Variants in LYST observed in about 807,000 individuals in gnomAD.
LYST encodes lysosomal-trafficking regulator.
A neutral mutation model predicts 413.6 loss-of-function variants in LYST; 192 were observed. The observed-to-expected ratio is 0.46, with a 90% CI of 0.41 to 0.52. The LOEUF is 0.52. Ranked by LOEUF, LYST falls within the 20% of genes least tolerant of loss-of-function variation. The pLI is 0.00. For missense variants in LYST, 3,815 were observed against 4,499.9 expected, an observed-to-expected ratio of 0.85 and a Z score of 4.35; for synonymous variants, 1,525 against 1,567.3, an observed-to-expected ratio of 0.97 and a Z score of 0.64.
intron 29 of LYST, among the ~76,000 whole-genome samples, chr1:235,744,915 AG>A (rs1665768885): frequency 6.6e-6 from 1 of 150,574 alleles, no homozygotes; most frequent in African/African-American, 2.5e-5. Context: ...AAAAAAAAAA[AG>A]AGAGAAAGAA....
intron 6 of LYST, 77 bp downstream of exon 6, chr1:235,805,665 AT>A (rs1672751465): frequency 1.5e-6 from 1 of 684,682 alleles, no homozygotes; most frequent in Non-Finnish European, 2.3e-6. Flanking sequence ...TACATATTAC[AT>A]TTTTTATATA....
At chr1:235,842,502 T>A (rs180910802) in intron 1 of LYST, among the ~76,000 whole-genome samples, 1 of 152,218 alleles carries the variant, frequency 6.6e-6, no homozygotes, top group African/African-American at 2.4e-5. Flanking sequence ...GAAAGCCCTA[T>A]AATGACAGAG....
chr1:235,859,618 C>T (rs1204855481), intron 1 of LYST, among the ~76,000 whole-genome samples: 1 of 152,040 alleles, frequency 6.6e-6, no homozygotes, highest in African/African-American at 2.4e-5. Flanking sequence ...ATCCACTCCT[C>T]CACCCGTATT....
intron 50 of LYST, among the ~76,000 whole-genome samples, chr1:235,673,254 C>G (rs1348211441): frequency 6.6e-6 from 1 of 151,994 alleles, no homozygotes; most frequent in Admixed American, 6.6e-5. Context: ...TTAACCACCC[C>G]CTCCATTTTA....
chr1:235,748,785 G>A (rs1078858), intron 28 of LYST, among the ~76,000 whole-genome samples: 3,607 of 152,230 alleles, frequency 0.024, 72 homozygotes, highest in Non-Finnish European at 0.031. Flanking sequence ...ATGTAATGAC[G>A]GTACTGCTGA....
chr1:235,754,851 A>ATGGCT (rs1467279833), intron 25 of LYST, among the ~76,000 whole-genome samples: 1 of 151,864 alleles, frequency 6.6e-6, no homozygotes, highest in East Asian at 1.9e-4. Flanking sequence ...AGGCAGGAGG[A>ATGGCT]TGGCTTGAGG....
At chr1:235,726,796 A>G (rs2208384) in intron 38 of LYST, among the ~76,000 whole-genome samples, 123,136 of 152,162 alleles carry the variant, frequency 0.81, 50,041 homozygotes, top group African/African-American at 0.9. Context: ...TATTCGACAG[A>G]TGGACTCAGA....
At position 235,744,127 on chromosome 1, in the gene LYST, C is replaced by T. The variant is rs1416779664; in HGVS notation, c.8003G>A (p.Arg2668Lys). 1.9e-6 allele frequency: 3 copies of T among 1,596,336 alleles called. No individual in the cohort carries two copies. The highest frequency in any genetic ancestry group is 2.6e-6 in the Non-Finnish European group (3 of 1,164,640). The change falls in exon 30 of 53, where the codon AGA (arginine) becomes AAA (lysine). Residue 2668 changes from arginine (R) to lysine (K), a missense_variant. Physicochemically the swap from Arg to Lys is conservative, Grantham distance 26. Around this residue, in one of 4 missense-constraint regions of LYST, gnomAD observed 771 missense variants for 837.1 expected, o/e 0.92. Transcript: ENST00000389793. ...GCTTTGAGTTACATTTTCTGGAGTT[C>T]TCAAAATGTCAATAATGTCTGAATT... ...EFNSDIIDILRTPENVTQSKT... is the reference protein window; with the variant it reads ...EFNSDIIDILKTPENVTQSKT...
Position 235,794,931 on chromosome 1 carries a change from T to G in LYST, c.4007-1319A>C, listed in dbSNP as rs571243700. Among the ~76,000 whole-genome samples, 4 of 152,256 alleles carry G rather than the reference T, an allele frequency of 2.6e-5. No homozygotes were observed. In the East Asian group the frequency reaches 7.7e-4, roughly 29 times the overall value. Reference sequence around the variant, plus strand: ...GCTTCTGTGTACTACTGAAAACTCATAGCATTAAAGTACAGAATTATAAGA... The same window carrying G: ...GCTTCTGTGTACTACTGAAAACTCAGAGCATTAAAGTACAGAATTATAAGA... On this transcript the variant is annotated intron_variant, in intron 10 of 52. Coordinates refer to ENST00000389793, the MANE Select transcript of LYST (RefSeq NM_000081.4).
chr1:235,731,059 G>T lies in LYST; in HGVS notation c.8920C>A (p.Leu2974Ile). The change falls in exon 35 of 53, where the codon CTC becomes ATC. Residue 2974 changes from leucine to isoleucine, a missense_variant. Physicochemically the swap from Leu to Ile is conservative, Grantham distance 5. Transcript: ENST00000389793. ...TCTGATTTCTGTCTATCCCTAAGGA[G>T]ATACTTATTTGGAATAGTTAAATAA... Reference protein sequence around the residue: ...RCYLTIPNKYLLRDRQKSEDV... With the variant: ...RCYLTIPNKYILRDRQKSEDV... The T allele has an allele frequency of 6.2e-7, 1 of 1,613,676 alleles. No individual in the cohort carries two copies. The highest frequency in any genetic ancestry group is 8.5e-7 in the Non-Finnish European group (1 of 1,179,620).
In LYST at chr1:235,809,402, T is replaced by C; in HGVS notation, c.1416A>G (p.Leu472=). Residue 472 remains leucine, a synonymous_variant, in exon 5 of 53, where the codon CTA becomes CTG. Coordinates refer to ENST00000389793, the MANE Select transcript of LYST (RefSeq NM_000081.4). The surrounding 1 kb of genome is among the most constrained non-coding windows in gnomAD (Gnocchi z 4.0). ...TCATTATTTTCATCACACTATTTAT[T>C]AGGGCTTTCAAATGCTCTGAGGCCT... ...PPEASEHLKA[L]INSVMKIMST... is the part of the protein sequence containing the mutation. 1 of 1,614,058 alleles carries C rather than the reference T, an allele frequency of 6.2e-7. No homozygotes were observed. The highest frequency in any genetic ancestry group is 8.5e-7 in the Non-Finnish European group (1 of 1,179,998).
chr1:235,779,935 C>T (rs1669675613), intron 16 of LYST, among the ~76,000 whole-genome samples: 1 of 152,106 alleles, frequency 6.6e-6, no homozygotes, highest in African/African-American at 2.4e-5. Context: ...TTTTCTAAGA[C>T]TATTTATGAA....
chr1:235,870,462 A>G (rs1680878141), upstream of LYST, among the ~76,000 whole-genome samples: 1 of 152,194 alleles, frequency 6.6e-6, no homozygotes, highest in Admixed American at 6.5e-5. Context: ...TTTGCTGTCC[A>G]TAAATCTCCC....
chr1:235,663,867 G>A (rs546110311), intron 52 of LYST, 117 bp downstream of exon 52: 2 of 888,732 alleles, frequency 2.3e-6, no homozygotes, highest in Non-Finnish European at 1.9e-6. Flanking sequence ...TAAGTGGTTG[G>A]CTTTTCATGA....
chr1:235,697,367 A>C, intron 45 of LYST, 95 bp from the exon 46 acceptor site: 1 of 884,086 alleles, frequency 1.1e-6, no homozygotes, highest in Non-Finnish European at 1.8e-6. Context: ...AGAGAAAGTA[A>C]TATGGATTAT....
At chr1:235,738,622 G>A (rs764297168) in intron 31 of LYST, 8 of 1,608,304 alleles carry the variant, frequency 5.0e-6, no homozygotes, top group African/African-American at 1.3e-5. Flanking sequence ...AATGTTACTG[G>A]TGTCTCCCTC....
intron 14 of LYST, among the ~76,000 whole-genome samples, chr1:235,785,127 T>G (rs1280713073): frequency 6.6e-6 from 1 of 152,146 alleles, no homozygotes; most frequent in South Asian, 2.1e-4. Flanking sequence ...TGCCCTGTCT[T>G]CCACCTCAAA....
Position 235,759,603 on chromosome 1 carries a change from G to T in LYST, c.6254-4C>A, listed in dbSNP as rs1272539662. 1.9e-6 allele frequency: 3 copies of T among 1,609,850 alleles called. No homozygotes were observed. Among genetic ancestry groups the T allele is most frequent in the Admixed American group, 3.3e-5 (2 of 59,970 alleles). ...ATAATATTAGAGGAATTCTCTCCTG[G>T]TAAGAGTAGATACAAAAATACTACT... On this transcript the variant is annotated splice_polypyrimidine_tract_variant and splice_region_variant and intron_variant, in intron 22 of 52. Coordinates refer to ENST00000389793, the MANE Select transcript of LYST (RefSeq NM_000081.4).
chr1:235,755,423 G>C lies in LYST; in HGVS notation c.7229+55C>G, dbSNP rs190370406. 24 of 1,417,820 alleles carry C rather than the reference G, an allele frequency of 1.7e-5. No individual in the cohort carries two copies. In the African/African-American group the frequency reaches 3.3e-4, roughly 20 times the overall value. The allele number at this position is 1,417,820 out of a possible 1,614,324, so 87.8% of individuals were successfully genotyped here. A position where few individuals can be genotyped will look rare whatever the true frequency, so the allele number is the denominator to read the frequency against. ...GAAAAGAAAAGAAAAGAAAAGAAAA[G>C]AAAAGAAAAAAGACAAAAGATTCCC... is the stretch of plus-strand genomic sequence containing the variant. On this transcript the variant is annotated intron_variant, in intron 25 of 52. Coordinates refer to ENST00000389793, the MANE Select transcript of LYST (RefSeq NM_000081.4).
Sources: gnomAD v4.1 joint callset for allele counts (sites outside exome capture counted in the v4.1 genomes callset) on GRCh38, gnomAD v4.1.1 for gene constraint, gnomAD v4.1.1 regional missense constraint, Gnocchi (gnomAD v3.1) non-coding constraint, MANE v1.5 for transcripts, NCBI Gene and HGNC (gene_info 2026-07-23, HGNC 2026-07-21) for gene names.